The following EPHA6 variants were observed in gnomAD, a reference collection of about 807,000 sequenced individuals.
EPHA6 encodes EPH receptor A6.
A neutral mutation model predicts 112.0 loss-of-function variants in EPHA6; 50 were observed. That is an observed-to-expected ratio of 0.45 (90% CI 0.36 to 0.56). EPHA6 has a LOEUF of 0.56. Among genes scored for constraint, EPHA6 ranks in the 20% least tolerant of loss-of-function variants. The probability of loss-of-function intolerance (pLI) is 0.00; values close to 1 mark genes in which losing one functional copy is unlikely to be tolerated. For missense variants in EPHA6, 1,280 were observed against 1,417.4 expected, an observed-to-expected ratio of 0.90 and a Z score of 1.56; for synonymous variants, 529 against 490.7, an observed-to-expected ratio of 1.08 and a Z score of -1.03.
At chr3:97,339,302 C>G (rs2083200383) in intron 5 of EPHA6, among the ~76,000 whole-genome samples, 1 of 152,156 alleles carries the variant, frequency 6.6e-6, no homozygotes, top group African/African-American at 2.4e-5. Context: ...CATGTCTGAA[C>G]CTATACAAAA....
Position 97,218,650 on chromosome 3 carries a change from A to T in EPHA6, c.1115-7614A>T, listed in dbSNP as rs576980633. Among the ~76,000 whole-genome samples, 3 of 152,308 alleles carry T rather than the reference A, an allele frequency of 2.0e-5. No homozygotes were observed. In the South Asian group the frequency reaches 6.2e-4, roughly 32 times the overall value. ...TAGGGATTATAGGGATTATAATTCA[A>T]GATGAGACTTGGTTGGGGATAAAAA... On this transcript the variant is annotated intron_variant, in intron 3 of 17. Coordinates refer to ENST00000389672, the MANE Select transcript of EPHA6 (RefSeq NM_001080448.3).
At chr3:97,350,727 T>G (rs997648786) in intron 5 of EPHA6, among the ~76,000 whole-genome samples, 5 of 152,148 alleles carry the variant, frequency 3.3e-5, no homozygotes, top group Admixed American at 6.5e-5. Flanking sequence ...CATTGCATTT[T>G]TGGATAGCTT....
intron 11 of EPHA6, among the ~76,000 whole-genome samples, chr3:97,543,050 G>A (rs150480874): frequency 6.6e-6 from 1 of 152,294 alleles, no homozygotes; most frequent in East Asian, 1.9e-4. Context: ...TAGGTTGCCT[G>A]TTCAGTCTAA....
At chr3:97,057,698 C>G (rs56079118) in intron 3 of EPHA6, among the ~76,000 whole-genome samples, 2,550 of 152,284 alleles carry the variant, frequency 0.017, 25 homozygotes, top group Middle Eastern at 0.041. Flanking sequence ...AAAGGATATA[C>G]TCATAATATG....
chr3:97,268,122 A>G (rs958210618), intron 5 of EPHA6, among the ~76,000 whole-genome samples: 2 of 152,164 alleles, frequency 1.3e-5, no homozygotes, highest in African/African-American at 4.8e-5. Context: ...TGCCAGCTAC[A>G]CCTCCAGGCA....
intron 3 of EPHA6, among the ~76,000 whole-genome samples, chr3:97,091,873 A>T (rs1206425946): frequency 1.3e-5 from 2 of 152,028 alleles, no homozygotes; most frequent in Non-Finnish European, 2.9e-5. Flanking sequence ...AAAAAGAGAA[A>T]TACTCAGGCT....
intron 5 of EPHA6, among the ~76,000 whole-genome samples, chr3:97,385,716 C>G (rs1244515693): frequency 1.3e-5 from 2 of 152,146 alleles, no homozygotes; most frequent in African/African-American, 2.4e-5. Flanking sequence ...TGTACAGGCT[C>G]CTGCTTCTGG....
In EPHA6 at chr3:96,855,265, A is replaced by G. The variant is rs746491206; in HGVS notation, c.386-11560A>G. On this transcript the variant is annotated intron_variant, in intron 1 of 17. Transcript: ENST00000389672. ...GATTAGAAACCTTAGTGGATTAGCA[A>G]CGTTAATTCCATCTGCAACCTTAAT... Among the ~76,000 whole-genome samples, 185 of 152,300 alleles carry G rather than the reference A, an allele frequency of 1.2e-3. 1 individual carries two copies. Among genetic ancestry groups the G allele is most frequent in the Non-Finnish European group, 1.4e-3 (96 of 68,020 alleles).
intron 6 of EPHA6, among the ~76,000 whole-genome samples, chr3:97,437,173 A>G (rs1270337638): frequency 6.6e-6 from 1 of 152,088 alleles, no homozygotes; most frequent in Non-Finnish European, 1.5e-5. Flanking sequence ...ACCCTGGTAT[A>G]CAACATGATG....
chr3:97,305,181 A>G (rs1425363027), intron 5 of EPHA6, among the ~76,000 whole-genome samples: 1 of 152,104 alleles, frequency 6.6e-6, no homozygotes, highest in African/African-American at 2.4e-5. Context: ...CCACAATGAG[A>G]TACCATCTCA....
chr3:97,325,438 C>A (rs535406030), intron 5 of EPHA6, among the ~76,000 whole-genome samples: 1 of 152,196 alleles, frequency 6.6e-6, no homozygotes, highest in East Asian at 1.9e-4. Flanking sequence ...ATAAGGACAG[C>A]AGTGACATTG....
At chr3:97,475,902 T>G (rs985501765) in intron 8 of EPHA6, among the ~76,000 whole-genome samples, 22 of 152,158 alleles carry the variant, frequency 1.4e-4, no homozygotes, top group Non-Finnish European at 2.6e-4. Context: ...AAATCCAATA[T>G]TTCTATACTT....
chr3:97,424,534 G>T (rs965323410), intron 6 of EPHA6, among the ~76,000 whole-genome samples: 1 of 152,034 alleles, frequency 6.6e-6, no homozygotes, highest in African/African-American at 2.4e-5. Flanking sequence ...GCCATGCTTG[G>T]TGGTCATGCC....
chr3:97,220,425 T>G (rs954174724), intron 3 of EPHA6, among the ~76,000 whole-genome samples: 6 of 152,218 alleles, frequency 3.9e-5, no homozygotes, highest in Non-Finnish European at 8.8e-5. Context: ...CATACTACTA[T>G]AAAGAACTGC....
intron 3 of EPHA6, among the ~76,000 whole-genome samples, chr3:97,100,820 G>A (rs1208050578): frequency 6.6e-6 from 1 of 151,686 alleles, no homozygotes; most frequent in Non-Finnish European, 1.5e-5. Context: ...TGACATTATT[G>A]TTGTAATTTT....
chr3:97,364,984 C>T (rs1487001679), intron 5 of EPHA6, among the ~76,000 whole-genome samples: 1 of 152,098 alleles, frequency 6.6e-6, no homozygotes, highest in East Asian at 1.9e-4. Flanking sequence ...TTCCAAAAGA[C>T]TCTGCTGAAT....
intron 3 of EPHA6, among the ~76,000 whole-genome samples, chr3:97,021,904 G>A (rs1479409316): frequency 2.6e-5 from 4 of 152,084 alleles, no homozygotes; most frequent in East Asian, 1.9e-4. Flanking sequence ...CATTACTCAG[G>A]TGTTATTTCT....
intron 5 of EPHA6, among the ~76,000 whole-genome samples, chr3:97,296,347 TG>T (rs2080873648): frequency 6.6e-6 from 1 of 152,090 alleles, no homozygotes; most frequent in African/African-American, 2.4e-5. Context: ...GCTCAGGAAC[TG>T]GGATGGGGGC....
rs1420046326 is a variant in EPHA6 at position 97,306,319 on chromosome 3, G to C, written c.1606+62032G>C. Among the ~76,000 whole-genome samples the C allele has an allele frequency of 2.3e-5, 3 of 130,280 alleles. No individual in the cohort carries two copies. In the Admixed American group the frequency reaches 2.4e-4, roughly 10 times the overall value. 85.5% of individuals were successfully genotyped at this position (130,280 alleles called of 152,430 possible). ...TTTTTTTTTTTTTTTTTTTTAAAGT[G>C]TTCCTCTTATCTATTGAAATTACCT... is the stretch of plus-strand genomic sequence containing the variant. On this transcript the variant is annotated intron_variant, in intron 5 of 17. Coordinates refer to ENST00000389672, the MANE Select transcript of EPHA6 (RefSeq NM_001080448.3).
Sources: allele counts gnomAD v4.1 joint callset (sites outside exome capture counted in the v4.1 genomes callset), GRCh38; gene constraint gnomAD v4.1.1; transcripts MANE v1.5; gene names NCBI Gene and HGNC (gene_info 2026-07-23, HGNC 2026-07-21).